The following PAX7 variants were observed in gnomAD, a reference collection of about 807,000 sequenced individuals.
The protein encoded by PAX7 is paired box 7.
In PAX7, 18 loss-of-function variants were observed where a neutral mutation model predicts 50.7. That is an observed-to-expected ratio of 0.36 (90% CI 0.25 to 0.53). The LOEUF (loss-of-function observed/expected upper bound fraction) is 0.53. Ranked by LOEUF, PAX7 falls within the 20% of genes least tolerant of loss-of-function variation. The pLI is 0.93. For missense variants in PAX7, 644 were observed against 702.9 expected (o/e 0.92, Z 0.95); for synonymous variants, 310 against 290.4 (o/e 1.07, Z -0.69).
At chr1:18,715,587 G>C (rs1306397195) in intron 7 of PAX7, among the ~76,000 whole-genome samples, 1 of 152,078 alleles carries the variant, frequency 6.6e-6, no homozygotes, top group Non-Finnish European at 1.5e-5. Flanking sequence ...AGAGCAGGGG[G>C]GTCAAGATGC....
rs942735352 is a variant in PAX7 at position 18,748,426 on chromosome 1, C to T, written c.*3497C>T. The T allele has an allele frequency of 8.6e-6, 2 of 231,868 alleles. No homozygotes were observed. Among genetic ancestry groups the T allele is most frequent in the Admixed American group, 1.1e-4 (2 of 17,754 alleles). The allele number at this position is 231,868 out of a possible 1,614,324, so 14.4% of individuals were successfully genotyped here. ...GGGGTACACAGGTCTTCTCTCCTCC[C>T]CTCCTGCAGAGGCACCAAAACCAAG... is the stretch of plus-strand genomic sequence containing the variant. On this transcript the variant is annotated 3_prime_UTR_variant, in exon 9 of 9. Transcript: ENST00000420770.
chr1:18,672,481 C>T (rs1336116039), intron 4 of PAX7, among the ~76,000 whole-genome samples: 1 of 152,134 alleles, frequency 6.6e-6, no homozygotes, highest in Admixed American at 6.5e-5. Flanking sequence ...AGGTGTGTGT[C>T]CTTCCATGTC....
rs1931386738 is a variant in PAX7 at position 18,745,311 on chromosome 1, C to T, written c.*382C>T. 1 of 277,424 alleles carries T rather than the reference C, an allele frequency of 3.6e-6. No homozygotes were observed. Among genetic ancestry groups the T allele is most frequent in the South Asian group, 9.2e-5 (1 of 10,836 alleles). The allele number at this position is 277,424 out of a possible 1,614,324, so 17.2% of individuals were successfully genotyped here. ...GTCCTACAGCCCTTTGGACCCAACT[C>T]CAGTGGGGGCCCTAGCTAGAAGTGG... On this transcript the variant is annotated 3_prime_UTR_variant, in exon 9 of 9. Coordinates refer to ENST00000420770, the MANE Select transcript of PAX7 (RefSeq NM_001135254.2).
chr1:18,680,598 C>A (rs1337659397), intron 4 of PAX7, among the ~76,000 whole-genome samples: 1 of 152,188 alleles, frequency 6.6e-6, no homozygotes, highest in Non-Finnish European at 1.5e-5. Flanking sequence ...GAACTCAAAC[C>A]CAGGTCCGTC....
In PAX7 at chr1:18,735,526, A is replaced by G. The variant is rs1358143878; in HGVS notation, c.1156-106A>G. 1 of 1,517,148 alleles carries G rather than the reference A, an allele frequency of 6.6e-7. No homozygotes were observed. The highest frequency in any genetic ancestry group is 2.1e-5 in the Admixed American group (1 of 47,232). 94.0% of individuals were successfully genotyped at this position (1,517,148 alleles called of 1,614,324 possible). On this transcript the variant is annotated intron_variant, in intron 7 of 8. Coordinates refer to ENST00000420770, the MANE Select transcript of PAX7 (RefSeq NM_001135254.2). This position sits in a 1 kb window ranked among gnomAD's most constrained non-coding sequence, Gnocchi z 4.0. Reference sequence around the variant, plus strand: ...GAAGCTACAGAGACTTCAAGGGAACAACTCTGGCAAAGAGTGTTCCAGGGC... The same window carrying G: ...GAAGCTACAGAGACTTCAAGGGAACGACTCTGGCAAAGAGTGTTCCAGGGC...
In PAX7 at chr1:18,640,907, G is replaced by A. The variant is rs941724371; in HGVS notation, c.586+4536G>A. 2.6e-5 allele frequency among the ~76,000 whole-genome samples: 4 copies of A among 151,602 alleles called. 1 individual carries two copies. In the South Asian group the frequency reaches 8.4e-4, roughly 32 times the overall value. On this transcript the variant is annotated intron_variant, in intron 4 of 8. Coordinates refer to ENST00000420770, the MANE Select transcript of PAX7 (RefSeq NM_001135254.2). ...AGCTGGGAACGTCCCGGCGGAGGGGGCTCCCGGCGGAGGGGGCTCCCGGCG... is the reference window on the plus strand; with the variant it reads ...AGCTGGGAACGTCCCGGCGGAGGGGACTCCCGGCGGAGGGGGCTCCCGGCG...
chr1:18,688,634 C>T (rs2089011864), intron 4 of PAX7, among the ~76,000 whole-genome samples: 1 of 152,188 alleles, frequency 6.6e-6, no homozygotes, highest in African/African-American at 2.4e-5. Flanking sequence ...GGCATGGTGG[C>T]TCATGCCTGT....
intron 7 of PAX7, among the ~76,000 whole-genome samples, chr1:18,711,636 G>A (rs1305240919): frequency 1.3e-5 from 2 of 152,150 alleles, no homozygotes; most frequent in Admixed American, 6.5e-5. Context: ...CCCTGGGGAA[G>A]GACGAGCTGA....
chr1:18,707,810 C>T (rs1192336944), intron 7 of PAX7, among the ~76,000 whole-genome samples: 1 of 152,146 alleles, frequency 6.6e-6, no homozygotes, highest in Non-Finnish European at 1.5e-5. Flanking sequence ...TTGGCTGGTG[C>T]AAGAAGAAAC....
intron 8 of PAX7, among the ~76,000 whole-genome samples, chr1:18,741,731 C>T (rs979641043): frequency 6.6e-6 from 1 of 152,228 alleles, no homozygotes; most frequent in African/African-American, 2.4e-5. Context: ...AAAGTGTCAC[C>T]TGCTTTAGCG....
intron 7 of PAX7, among the ~76,000 whole-genome samples, chr1:18,717,748 TGA>T (rs1375467455): frequency 6.6e-6 from 1 of 152,234 alleles, no homozygotes; most frequent in African/African-American, 2.4e-5. Flanking sequence ...TGGGCTCTCC[TGA>T]GGGTCTATTT....
At chr1:18,698,272 T>TACACAC (rs71018097) in intron 5 of PAX7, among the ~76,000 whole-genome samples, 39,904 of 147,194 alleles carry the variant, frequency 0.27, 5,400 homozygotes, top group East Asian at 0.36. Flanking sequence ...ATTGTTAAAA[T>TACACAC]ACACACACAC....
At chr1:18,707,971 GC>G (rs1366541637) in intron 7 of PAX7, among the ~76,000 whole-genome samples, 2 of 152,096 alleles carry the variant, frequency 1.3e-5, no homozygotes, top group African/African-American at 4.8e-5. Flanking sequence ...ATGGGCAAAT[GC>G]TTTTCAGGAG....
rs1419562715 is a variant in PAX7, at chr1:18,631,688, G to A, written c.85G>A (p.Val29Met). 3.7e-6 allele frequency: 6 copies of A among 1,611,232 alleles called. No individual in the cohort carries two copies. Among genetic ancestry groups the A allele is most frequent in the African/African-American group, 1.3e-5 (1 of 74,894 alleles). The part of the protein sequence containing the change: ...NYPRTGFPLE[V>M]STPLGQGRVN... ...CCCCCGCACGGGATTCCCTTTGGAA[G>A]GTAAGAACGCCCAGGCTGGCCTCGC... The change falls in exon 1 of 9, where the codon GTG becomes ATG. Residue 29 changes from valine to methionine, a missense_variant and splice_region_variant. By Grantham distance (21) the Val-to-Met change is conservative. Coordinates refer to ENST00000420770, the MANE Select transcript of PAX7 (RefSeq NM_001135254.2).
rs116197244 is a variant in PAX7 at position 18,632,669 on chromosome 1, G to A, written c.85+981G>A. ...TTTTTTTTTTTAAATTACTCTTCCT[G>A]TGATCGTTTGAGTCCCTGGCGCGTG... On this transcript the variant is annotated intron_variant, in intron 1 of 8. Coordinates refer to ENST00000420770, the MANE Select transcript of PAX7 (RefSeq NM_001135254.2). The surrounding 1 kb of genome is among the most constrained non-coding windows in gnomAD (Gnocchi z 6.3). Among the ~76,000 whole-genome samples the A allele has an allele frequency of 0.015, 2,115 of 142,498 alleles. 31 individuals carry two copies. The highest frequency in any genetic ancestry group is 0.04 in the Admixed American group (574 of 14,184). 93.5% of individuals were successfully genotyped at this position (142,498 alleles called of 152,430 possible). A position where few individuals can be genotyped will look rare whatever the true frequency, so the allele number is the denominator to read the frequency against.
In PAX7 at chr1:18,724,096, G is replaced by A. The variant is rs372192446; in HGVS notation, c.1156-11536G>A. Among the ~76,000 whole-genome samples, 69 of 152,290 alleles carry A rather than the reference G, an allele frequency of 4.5e-4. 1 individual carries two copies. In the South Asian group the frequency reaches 0.011, roughly 24 times the overall value. On this transcript the variant is annotated intron_variant, in intron 7 of 8. Coordinates refer to ENST00000420770, the MANE Select transcript of PAX7 (RefSeq NM_001135254.2). ...CCGCTGCGTGCTCGGTGGGCCGGCC[G>A]GGAACCACCCAGCCGGCAAGGAGTG...
chr1:18,632,948 T>G lies in PAX7; in HGVS notation c.85+1260T>G, dbSNP rs1372989790. On this transcript the variant is annotated intron_variant, in intron 1 of 8. Transcript: ENST00000420770. The surrounding 1 kb of genome is among the most constrained non-coding windows in gnomAD (Gnocchi z 6.3). ...GGACGCGCGGCGGATTAGAACAATA[T>G]TTGCCCAACATGACGCAGAATACTG... is the stretch of plus-strand genomic sequence containing the variant. Among the ~76,000 whole-genome samples the G allele has an allele frequency of 1.3e-5, 2 of 152,158 alleles. No homozygotes were observed.
At chr1:18,709,864 C>A (rs1462633069) in intron 7 of PAX7, among the ~76,000 whole-genome samples, 1 of 152,184 alleles carries the variant, frequency 6.6e-6, no homozygotes, top group Non-Finnish European at 1.5e-5. Flanking sequence ...GGTCCTAAGT[C>A]ATAGGGGCAA....
Position 18,747,227 on chromosome 1 carries a change from A to G in PAX7, c.*2298A>G, listed in dbSNP as rs1931479618. 4.3e-6 allele frequency: 1 copy of G among 230,442 alleles called. No individual in the cohort carries two copies. The highest frequency in any genetic ancestry group is 6.2e-5 in the East Asian group (1 of 16,238). The allele number at this position is 230,442 out of a possible 1,614,324, so 14.3% of individuals were successfully genotyped here. On this transcript the variant is annotated 3_prime_UTR_variant, in exon 9 of 9. Transcript: ENST00000420770. ...CAGGCAGCTGATATCAAAACCACCCAGCCCCATCCCCAGGAGGCGACATTC... is the reference window on the plus strand; with the variant it reads ...CAGGCAGCTGATATCAAAACCACCCGGCCCCATCCCCAGGAGGCGACATTC...
Sources: gnomAD v4.1 joint callset for allele counts (sites outside exome capture counted in the v4.1 genomes callset) on GRCh38, gnomAD v4.1.1 for gene constraint, Gnocchi (gnomAD v3.1) non-coding constraint, MANE v1.5 for transcripts, NCBI Gene and HGNC (gene_info 2026-07-23, HGNC 2026-07-21) for gene names.